The following TMEM132C variants were observed in gnomAD, a reference collection of about 807,000 sequenced individuals.
TMEM132C encodes the protein protein phosphatase 1, regulatory subunit 152.
In TMEM132C, 29 loss-of-function variants were observed where a neutral mutation model predicts 61.4. The ratio of observed to expected loss-of-function variants is 0.47; its 90% confidence interval spans 0.35 to 0.64. The LOEUF (loss-of-function observed/expected upper bound fraction) is 0.64. Among genes scored for constraint, TMEM132C ranks in the 30% least tolerant of loss-of-function variants. TMEM132C has a pLI of 0.00. For synonymous variants in TMEM132C, 656 were observed against 633.1 expected, an observed-to-expected ratio of 1.04 and a Z score of -0.54; for missense variants, 1,408 against 1,476.9, an observed-to-expected ratio of 0.95 and a Z score of 0.76.
intron 1 of TMEM132C, among the ~76,000 whole-genome samples, chr12:128,407,158 G>T (rs1875373232): frequency 6.6e-6 from 1 of 152,172 alleles, no homozygotes; most frequent in South Asian, 2.1e-4. Flanking sequence ...CATCAGGGCA[G>T]GTTTTTGTGC....
In TMEM132C at chr12:128,604,225, A is replaced by G. The variant is rs534796685; in HGVS notation, c.1122-11927A>G. On this transcript the variant is annotated intron_variant, in intron 3 of 8. Coordinates refer to ENST00000435159, the MANE Select transcript of TMEM132C (RefSeq NM_001136103.3). The stretch of plus-strand genomic sequence containing the variant: ...ATGGATAGATATGATAGGTTGATTG[A>G]TGAATAGATTGGATGGATGGATTGA... 1.1e-4 allele frequency among the ~76,000 whole-genome samples: 16 copies of G among 152,308 alleles called. No individual in the cohort carries two copies. The South Asian group carries it at 3.3e-3, about 32-fold the overall frequency.
intron 1 of TMEM132C, among the ~76,000 whole-genome samples, chr12:128,306,233 C>T (rs1871774940): frequency 7.1e-6 from 1 of 140,512 alleles, no homozygotes; most frequent in Admixed American, 7.4e-5. Flanking sequence ...GAGACTGAGC[C>T]TTGCTCCGTT....
intron 3 of TMEM132C, among the ~76,000 whole-genome samples, chr12:128,552,660 G>A (rs546277963): frequency 3.4e-4 from 52 of 152,284 alleles, no homozygotes; most frequent in African/African-American, 1.2e-3. Flanking sequence ...TGTAACCCCA[G>A]CATTTTGGGA....
chr12:128,383,256 C>T (rs368140460), intron 1 of TMEM132C, among the ~76,000 whole-genome samples: 7 of 152,058 alleles, frequency 4.6e-5, no homozygotes, highest in East Asian at 3.9e-4. Context: ...TGTGTATATA[C>T]GTGCATGTCT....
At chr12:128,470,790 G>T (rs1314092620) in intron 2 of TMEM132C, among the ~76,000 whole-genome samples, 1 of 152,162 alleles carries the variant, frequency 6.6e-6, no homozygotes, top group Non-Finnish European at 1.5e-5. Flanking sequence ...ATCTTTGCAA[G>T]CCAGGTGGCC....
intron 1 of TMEM132C, among the ~76,000 whole-genome samples, chr12:128,331,534 T>A (rs1872665815): frequency 6.6e-6 from 1 of 152,242 alleles, no homozygotes; most frequent in Admixed American, 6.5e-5. Context: ...TGTCTGTGCC[T>A]GGCTTGTTTC....
chr12:128,551,433 G>A (rs538495862), intron 3 of TMEM132C, among the ~76,000 whole-genome samples: 12 of 152,272 alleles, frequency 7.9e-5, no homozygotes, highest in South Asian at 4.1e-4. Flanking sequence ...ACACCAGACC[G>A]CGTGGCATTT....
chr12:128,345,223 G>A (rs1430226860), intron 1 of TMEM132C, among the ~76,000 whole-genome samples: 2 of 152,144 alleles, frequency 1.3e-5, no homozygotes, highest in Admixed American at 1.3e-4. Context: ...ATGCCCCTGC[G>A]AAGTACATGA....
intron 4 of TMEM132C, among the ~76,000 whole-genome samples, chr12:128,664,024 G>T (rs1426024424): frequency 1.7e-5 from 2 of 117,284 alleles, no homozygotes; most frequent in African/African-American, 7.0e-5. Flanking sequence ...ATACACACAG[G>T]CACACGCACC....
At chr12:128,520,130 G>C (rs2136126717) in intron 2 of TMEM132C, among the ~76,000 whole-genome samples, 1 of 152,214 alleles carries the variant, frequency 6.6e-6, no homozygotes, top group Middle Eastern at 3.4e-3. Context: ...GCACATGCTG[G>C]GTTCCCCCAG....
At chr12:128,309,884 C>T (rs1237366195) in intron 1 of TMEM132C, among the ~76,000 whole-genome samples, 2 of 152,024 alleles carry the variant, frequency 1.3e-5, no homozygotes, top group African/African-American at 4.8e-5. Flanking sequence ...TACAGGTGCC[C>T]GCCACCATGC....
At chr12:128,544,214 A>T in intron 3 of TMEM132C, 111 bp downstream of exon 3, 4 of 1,375,382 alleles carry the variant, frequency 2.9e-6, no homozygotes, top group Non-Finnish European at 3.8e-6. Flanking sequence ...CAGAGGAGCT[A>T]TTGAACCCAC....
In TMEM132C at chr12:128,414,890, G is replaced by C; in HGVS notation, c.244G>C (p.Glu82Gln). The change falls in exon 2 of 9, where the codon GAG (glutamate) becomes CAG (glutamine). Residue 82 changes from glutamate (E) to glutamine (Q), a missense_variant. By Grantham distance (29) the Glu-to-Gln change is conservative (BLOSUM62 2). Coordinates refer to ENST00000435159, the MANE Select transcript of TMEM132C (RefSeq NM_001136103.3). ...LRNSSLQARV[E>Q]SFFTYKTRQP... Reference sequence around the variant, plus strand: ...GAACTCCAGCCTGCAGGCGAGGGTGGAGTCCTTCTTTACCTACAAAACCAG... The same window carrying C: ...GAACTCCAGCCTGCAGGCGAGGGTGCAGTCCTTCTTTACCTACAAAACCAG... 1 of 1,551,840 alleles carries C rather than the reference G, an allele frequency of 6.4e-7. No homozygotes were observed. Among genetic ancestry groups the C allele is most frequent in the Non-Finnish European group, 8.7e-7 (1 of 1,147,124 alleles).
chr12:128,464,409 A>G (rs1870649546), intron 2 of TMEM132C, among the ~76,000 whole-genome samples: 1 of 152,184 alleles, frequency 6.6e-6, no homozygotes, highest in South Asian at 2.1e-4. Flanking sequence ...GACCAGGAGC[A>G]GGTGATCTCA....
At chr12:128,597,702 G>T (rs1876022270) in intron 3 of TMEM132C, among the ~76,000 whole-genome samples, 1 of 152,226 alleles carries the variant, frequency 6.6e-6, no homozygotes, top group African/African-American at 2.4e-5. Flanking sequence ...TCTTACCAGA[G>T]AAGATAGAAA....
rs779399819 is a variant in TMEM132C at position 128,454,618 on chromosome 12, T to C, written c.974+38998T>C. 2.6e-5 allele frequency among the ~76,000 whole-genome samples: 4 copies of C among 152,344 alleles called. No homozygotes were observed. The South Asian group carries it at 8.3e-4, about 32-fold the overall frequency. ...GGTGTTCGCCGGGGCTGAAGTTTCC[T>C]GAGAGACCCCCTGGATAGGACCTCC... On this transcript the variant is annotated intron_variant, in intron 2 of 8. Transcript: ENST00000435159.
chr12:128,628,126 C>T (rs1270580663), intron 4 of TMEM132C, among the ~76,000 whole-genome samples: 1 of 152,156 alleles, frequency 6.6e-6, no homozygotes, highest in Admixed American at 6.5e-5. Context: ...CAGTCTCAGC[C>T]TAGCCCCATC....
At chr12:128,297,149 ACTGGCC>A (rs1871439105) in intron 1 of TMEM132C, among the ~76,000 whole-genome samples, 1 of 152,146 alleles carries the variant, frequency 6.6e-6, no homozygotes, top group Admixed American at 6.5e-5. Flanking sequence ...TAGGGGCTGG[ACTGGCC>A]ATCTTTTCAG....
At chr12:128,456,046 G>A (rs1870328256) in intron 2 of TMEM132C, among the ~76,000 whole-genome samples, 1 of 152,160 alleles carries the variant, frequency 6.6e-6, no homozygotes, top group South Asian at 2.1e-4. Context: ...AAATGCTTGG[G>A]ATGATGTGTT....
Sources: gnomAD v4.1 joint callset for allele counts (sites outside exome capture counted in the v4.1 genomes callset) on GRCh38, gnomAD v4.1.1 for gene constraint, MANE v1.5 for transcripts, NCBI Gene and HGNC (gene_info 2026-07-23, HGNC 2026-07-21) for gene names.